MAP2K1: variants seen among roughly 807,000 people sequenced by gnomAD.
The protein encoded by MAP2K1 is mitogen-activated protein kinase kinase 1.
A neutral mutation model predicts 46.3 loss-of-function variants in MAP2K1; 16 were observed. That is an observed-to-expected ratio of 0.35 (90% confidence interval 0.23 to 0.52). The LOEUF is 0.52. Among genes scored for constraint, MAP2K1 ranks in the 20% least tolerant of loss-of-function variants. The pLI, the probability that MAP2K1 is intolerant of heterozygous loss-of-function variation, is 0.94. For synonymous variants in MAP2K1, 183 were observed against 185.6 expected (o/e 0.99, Z 0.11); for missense variants, 263 against 497.1 (o/e 0.53, Z 4.48).
In MAP2K1 at chr15:66,403,713, T is replaced by C. The variant is rs148408675; in HGVS notation, c.80+16286T>C. ...ACATGAAATGAGTCAATCGTTGTTT[T>C]ACAGGTTTGTCCGAATCCAGGTTAA... On this transcript the variant is annotated intron_variant, in intron 1 of 10. Coordinates refer to ENST00000307102, the MANE Select transcript of MAP2K1 (RefSeq NM_002755.4). 7.1e-3 allele frequency among the ~76,000 whole-genome samples: 1,080 copies of C among 152,336 alleles called. 42 individuals are homozygous for C. Among genetic ancestry groups the C allele is most frequent in the Admixed American group, 0.062 (946 of 15,298 alleles).
intron 5 of MAP2K1, among the ~76,000 whole-genome samples, chr15:66,470,495 C>T (rs1002291978): frequency 6.6e-6 from 1 of 152,146 alleles, no homozygotes; most frequent in Admixed American, 6.6e-5. Context: ...TCCATTGTCA[C>T]GGAAGCAGGA....
chr15:66,427,807 A>G (rs1014093309), intron 1 of MAP2K1, among the ~76,000 whole-genome samples: 1 of 151,848 alleles, frequency 6.6e-6, no homozygotes, highest in Non-Finnish European at 1.5e-5. Context: ...CAAAGTCAGG[A>G]GTTAGAGACC....
intron 5 of MAP2K1, chr15:66,446,693 C>A: frequency 2.6e-6 from 1 of 386,414 alleles, no homozygotes. Context: ...TAAACACTTT[C>A]AATTTTAGGA....
chr15:66,485,063 T>C lies in MAP2K1; in HGVS notation c.767T>C (p.Met256Thr), dbSNP rs1326401609. The change falls in exon 7 of 11, where the codon ATG becomes ACG. Residue 256 changes from methionine (M) to threonine (T), a missense_variant. By Grantham distance (81) the Met-to-Thr change is moderately conservative (BLOSUM62 -1). Around this residue, in one of 4 missense-constraint regions of MAP2K1, gnomAD observed 118 missense variants for 193.0 expected, o/e 0.61. Coordinates refer to ENST00000307102, the MANE Select transcript of MAP2K1 (RefSeq NM_002755.4). ...AGCATGGGACTGTCTCTGGTAGAGA[T>C]GGCGGTTGGGAGGTATCCCATCCCT... ...IWSMGLSLVEMAVGRYPIPPP... is the reference protein window; with the variant it reads ...IWSMGLSLVETAVGRYPIPPP... 6.2e-7 allele frequency: 1 copy of C among 1,613,924 alleles called. No homozygotes were observed. Among genetic ancestry groups the C allele is most frequent in the South Asian group, 1.1e-5 (1 of 91,068 alleles).
In MAP2K1 at chr15:66,386,927, CGCTTCGCAGAGCGGCTAGGAGCACG is replaced by C. The variant is rs2093341835; in HGVS notation, c.-418_-394del. On this transcript the variant is annotated 5_prime_UTR_variant, in exon 1 of 11. Transcript: ENST00000307102. Reference sequence around the variant, plus strand: ...CCCGGCCTCCAGTCCCTCCCAGGGCCGCTTCGCAGAGCGGCTAGGAGCACGGCGGCGGCGGCACTTTCCCCGGCAG... The same window carrying C: ...CCCGGCCTCCAGTCCCTCCCAGGGCCGCGGCGGCGGCACTTTCCCCGGCAG... 2 of 246,028 alleles carry C rather than the reference CGCTTCGCAGAGCGGCTAGGAGCACG, an allele frequency of 8.1e-6. No individual in the cohort carries two copies. Among genetic ancestry groups the C allele is most frequent in the Admixed American group, 5.6e-5 (1 of 17,894 alleles). The allele number at this position is 246,028 out of a possible 1,614,324, so 15.2% of individuals were successfully genotyped here.
At chr15:66,416,215 A>T (rs1292673054) in intron 1 of MAP2K1, among the ~76,000 whole-genome samples, 1 of 152,082 alleles carries the variant, frequency 6.6e-6, no homozygotes, top group Non-Finnish European at 1.5e-5. Context: ...ATAGCTCCCA[A>T]TGCCTACCTT....
intron 1 of MAP2K1, among the ~76,000 whole-genome samples, chr15:66,428,048 A>C (rs2093463925): frequency 6.6e-6 from 1 of 152,004 alleles, no homozygotes; most frequent in Admixed American, 6.5e-5. Context: ...TGACGTGGCT[A>C]TTCAGTGGCC....
At chr15:66,396,670 A>G (rs897157419) in intron 1 of MAP2K1, among the ~76,000 whole-genome samples, 6 of 151,764 alleles carry the variant, frequency 4.0e-5, no homozygotes, top group Admixed American at 6.6e-5. Flanking sequence ...ATCACTCCCT[A>G]CTTAGTTATA....
intron 5 of MAP2K1, among the ~76,000 whole-genome samples, chr15:66,456,627 C>T (rs1323643659): frequency 6.6e-6 from 1 of 152,230 alleles, no homozygotes; most frequent in African/African-American, 2.4e-5. Flanking sequence ...CACCCACTCT[C>T]CCCAGCATCC....
chr15:66,486,054 A>G (rs1366733724), intron 7 of MAP2K1, among the ~76,000 whole-genome samples: 1 of 151,952 alleles, frequency 6.6e-6, no homozygotes, highest in East Asian at 1.9e-4. Flanking sequence ...ATGCGCCACC[A>G]TGCCTGACTA....
intron 1 of MAP2K1, among the ~76,000 whole-genome samples, chr15:66,406,876 C>T (rs1595843346): frequency 6.6e-6 from 1 of 151,928 alleles, no homozygotes; most frequent in Admixed American, 6.6e-5. Context: ...GCTAAAAATA[C>T]AAAAAATTAG....
intron 5 of MAP2K1, among the ~76,000 whole-genome samples, chr15:66,478,875 A>G (rs986313984): frequency 1.4e-4 from 21 of 152,178 alleles, no homozygotes; most frequent in Non-Finnish European, 1.2e-4. Flanking sequence ...AAGCTTCATG[A>G]CAGTGGGGGA....
At chr15:66,421,860 C>T (rs2093444377) in intron 1 of MAP2K1, among the ~76,000 whole-genome samples, 1 of 146,892 alleles carries the variant, frequency 6.8e-6, no homozygotes, top group Non-Finnish European at 1.5e-5. Context: ...ACAGATTAGC[C>T]CCTACTAGAA....
intron 1 of MAP2K1, among the ~76,000 whole-genome samples, chr15:66,404,054 A>G (rs1176142582): frequency 1.1e-4 from 16 of 152,208 alleles, no homozygotes; most frequent in Admixed American, 2.0e-4. Context: ...GGATGGTGGG[A>G]AAACAGGCAG....
At chr15:66,414,970 T>C in intron 1 of MAP2K1, 1 of 434,528 alleles carries the variant, frequency 2.3e-6, no homozygotes, top group Non-Finnish European at 4.6e-6. Context: ...CTTGAGCTCC[T>C]TGTAGGAAAG....
chr15:66,420,813 A>ATATATG, intron 1 of MAP2K1, among the ~76,000 whole-genome samples: 1 of 106,342 alleles, frequency 9.4e-6, no homozygotes, highest in African/African-American at 3.2e-5. Context: ...GTGTATATAT[A>ATATATG]TGTGTATATA....
At chr15:66,466,738 T>A (rs1892479256) in intron 5 of MAP2K1, among the ~76,000 whole-genome samples, 1 of 152,080 alleles carries the variant, frequency 6.6e-6, no homozygotes. Flanking sequence ...TTTCCGTGAC[T>A]CTGAAAAACA....
chr15:66,412,012 G>T (rs1245311768), intron 1 of MAP2K1, among the ~76,000 whole-genome samples: 2 of 152,106 alleles, frequency 1.3e-5, no homozygotes, highest in African/African-American at 4.8e-5. Context: ...CACAATTTTG[G>T]TCCTTTTTGT....
chr15:66,453,952 C>T (rs571412236), intron 5 of MAP2K1, among the ~76,000 whole-genome samples: 1 of 152,314 alleles, frequency 6.6e-6, no homozygotes, highest in Admixed American at 6.5e-5. Context: ...GCATGAGCTG[C>T]TAGGCTTGGG....
Sources: gnomAD v4.1 joint callset for allele counts (sites outside exome capture counted in the v4.1 genomes callset) on GRCh38, gnomAD v4.1.1 for gene constraint, gnomAD v4.1.1 regional missense constraint, MANE v1.5 for transcripts, NCBI Gene and HGNC (gene_info 2026-07-23, HGNC 2026-07-21) for gene names.